Variants in TMPRSS6 observed in about 807,000 individuals in gnomAD.
TMPRSS6 encodes the protein transmembrane serine protease 6, also known as transmembrane protease serine 6.
A neutral mutation model predicts 101.5 loss-of-function variants in TMPRSS6; 67 were observed. The observed-to-expected ratio is 0.66, with a 90% confidence interval of 0.54 to 0.81. The LOEUF (loss-of-function observed/expected upper bound fraction) is 0.81. Among genes scored for constraint, TMPRSS6 ranks in the 30% least tolerant of loss-of-function variants. The pLI is 0.00. For synonymous variants in TMPRSS6, 453 were observed against 464.9 expected, an observed-to-expected ratio of 0.97 and a Z score of 0.33; for missense variants, 1,034 against 1,088.7, an observed-to-expected ratio of 0.95 and a Z score of 0.71.
intron 2 of TMPRSS6, among the ~76,000 whole-genome samples, chr22:37,099,120 G>A (rs1930075162): frequency 2.0e-5 from 3 of 152,376 alleles, no homozygotes; most frequent in Admixed American, 6.5e-5. Context: ...TGGTGCTGTT[G>A]AGGGGATGTG....
At chr22:37,095,626 G>GA (rs771894330) in intron 5 of TMPRSS6, 34 bp from the exon 6 acceptor site, 45 of 966,116 alleles carry the variant, frequency 4.7e-5, no homozygotes, top group Non-Finnish European at 5.5e-5. Flanking sequence ...AAATAAACAA[G>GA]AACAAAAAAA....
intron 4 of TMPRSS6, 107 bp from the exon 5 acceptor site, chr22:37,096,197 G>A: frequency 1.5e-6 from 2 of 1,295,838 alleles, no homozygotes; most frequent in South Asian, 1.2e-5. Context: ...AGCCATTGCT[G>A]TCCGTCTTCA....
In TMPRSS6 at chr22:37,074,605, C is replaced by T. The variant is rs2146061360; in HGVS notation, c.1441+5G>A. The T allele has an allele frequency of 6.2e-7, 1 of 1,612,950 alleles. No individual in the cohort carries two copies. Among genetic ancestry groups the T allele is most frequent in the East Asian group, 2.2e-5 (1 of 44,886 alleles). ...AGAGGAGGGATGCGCGGGCGGGTTA[C>T]TCACCGCAGTTTCTCTCATCCAGGC... On this transcript the variant is annotated splice_donor_5th_base_variant and intron_variant, in intron 12 of 17. Coordinates refer to ENST00000676104, the MANE Select transcript of TMPRSS6 (RefSeq NM_001374504.1).
At chr22:37,085,117 G>A (rs1005156221) in intron 8 of TMPRSS6, among the ~76,000 whole-genome samples, 1 of 152,168 alleles carries the variant, frequency 6.6e-6, no homozygotes, top group African/African-American at 2.4e-5. Context: ...GATATTTGCG[G>A]GACAGCACTC....
chr22:37,065,907 C>T lies in TMPRSS6; in HGVS notation c.*173G>A, dbSNP rs1356646397. 5 of 829,244 alleles carry T rather than the reference C, an allele frequency of 6.0e-6. No homozygotes were observed. Among genetic ancestry groups the T allele is most frequent in the Non-Finnish European group, 9.4e-6 (5 of 531,960 alleles). The allele number at this position is 829,244 out of a possible 1,614,324, so 51.4% of individuals were successfully genotyped here. On this transcript the variant is annotated 3_prime_UTR_variant, in exon 18 of 18. Transcript: ENST00000676104. ...CCCCCAGCTGCTGGCACTTCTCCAT[C>T]CTCCTGCCATCACTGGAGCAGACAT...
chr22:37,108,792 G>C (rs1451787595), intron 1 of TMPRSS6, among the ~76,000 whole-genome samples: 1 of 152,130 alleles, frequency 6.6e-6, no homozygotes, highest in African/African-American at 2.4e-5. Flanking sequence ...CTCAGCCAGG[G>C]CAGAGCAGAG....
Position 37,070,496 on chromosome 22 carries a change from A to T in TMPRSS6, c.1829T>A (p.Phe610Tyr). ...DRWVITAAHCFQEDSMASTVL... is the reference protein window; with the variant it reads ...DRWVITAAHCYQEDSMASTVL... ...CCCTCCCGCTCACCTGTCCTCCTGG[A>T]AGCAGTGGGCAGCTGTTATCACCCA... The change falls in exon 15 of 18, where the codon TTC (phenylalanine) becomes TAC (tyrosine). Residue 610 changes from phenylalanine to tyrosine, a missense_variant. Transcript: ENST00000676104. 1 of 1,613,466 alleles carries T rather than the reference A, an allele frequency of 6.2e-7. No homozygotes were observed. Among genetic ancestry groups the T allele is most frequent in the African/African-American group, 1.3e-5 (1 of 75,026 alleles).
At chr22:37,090,911 T>C (rs906497917) in intron 6 of TMPRSS6, among the ~76,000 whole-genome samples, 1 of 152,182 alleles carries the variant, frequency 6.6e-6, no homozygotes, top group Non-Finnish European at 1.5e-5. Context: ...CTTTTCATCC[T>C]GCAGCTGGCC....
At chr22:37,083,954 A>T in intron 10 of TMPRSS6, 1 of 534,464 alleles carries the variant, frequency 1.9e-6, no homozygotes, top group Non-Finnish European at 3.3e-6. Flanking sequence ...TTGGCTCTGG[A>T]AACATTTTAT....
At chr22:37,068,517 C>G in intron 16 of TMPRSS6, 1 of 751,620 alleles carries the variant, frequency 1.3e-6, no homozygotes, top group Non-Finnish European at 2.5e-6. Flanking sequence ...GGGGAGAGAC[C>G]CTGTTTCTGA....
chr22:37,079,328 C>T (rs1404154219), intron 10 of TMPRSS6, among the ~76,000 whole-genome samples: 2 of 152,230 alleles, frequency 1.3e-5, no homozygotes, highest in Admixed American at 1.3e-4. Context: ...TTCCTCACCT[C>T]TCTGGATATG....
chr22:37,107,269 G>T (rs935613067), intron 1 of TMPRSS6, among the ~76,000 whole-genome samples: 1 of 152,132 alleles, frequency 6.6e-6, no homozygotes, highest in Non-Finnish European at 1.5e-5. Context: ...CTCTGTGGTG[G>T]CGACAGGGTG....
At position 37,095,936 on chromosome 22, in the gene TMPRSS6, C is replaced by T. The variant is rs1929718759; in HGVS notation, c.559G>A (p.Glu187Lys). The T allele has an allele frequency of 1.9e-6, 3 of 1,614,056 alleles. No individual in the cohort carries two copies. The highest frequency in any genetic ancestry group is 1.3e-5 in the African/African-American group (1 of 74,944). Residue 187 changes from glutamate to lysine, a missense_variant, in exon 5 of 18, where the codon GAA becomes AAA. Physicochemically the swap from Glu to Lys is moderately conservative, Grantham distance 56. Coordinates refer to ENST00000676104, the MANE Select transcript of TMPRSS6 (RefSeq NM_001374504.1). Reference sequence around the variant, plus strand: ...ATCACTAGGCCCTCGGGGTCCACTTCGTACTCGGCCCTGTAGGGGACGGCA... The same window carrying T: ...ATCACTAGGCCCTCGGGGTCCACTTTGTACTCGGCCCTGTAGGGGACGGCA... ...SAAVPYRAEY[E>K]VDPEGLVILE...
intron 17 of TMPRSS6, 117 bp downstream of exon 17, chr22:37,066,709 A>G: frequency 1.4e-6 from 2 of 1,419,556 alleles, no homozygotes; most frequent in South Asian, 1.2e-5. Context: ...GGCCATCACC[A>G]CCTTGCTGGG....
Position 37,073,615 on chromosome 22 carries a change from T to C in TMPRSS6, c.1472A>G (p.Asp491Gly). ...CTTGGGCAGTGAGATGCATGTGCTG[T>C]CCTCTTTGCACTGGAATGTGGCTCT... ...VCRATFQCKE[D>G]STCISLPKVC... The change falls in exon 13 of 18, where the codon GAC (aspartate) becomes GGC (glycine). Residue 491 changes from aspartate (D) to glycine (G), a missense_variant. By Grantham distance (94) the Asp-to-Gly change is moderately conservative. Transcript: ENST00000676104. 1 of 1,614,066 alleles carries C rather than the reference T, an allele frequency of 6.2e-7. No homozygotes were observed. The highest frequency in any genetic ancestry group is 1.6e-4 in the Middle Eastern group (1 of 6,062).
intron 1 of TMPRSS6, among the ~76,000 whole-genome samples, chr22:37,104,827 G>A (rs931054061): frequency 4.6e-5 from 7 of 152,114 alleles, no homozygotes; most frequent in African/African-American, 1.7e-4. Flanking sequence ...CGGCTGTGGT[G>A]GTGGGCACCT....
At chr22:37,070,064 G>A (rs1190071966) in intron 15 of TMPRSS6, among the ~76,000 whole-genome samples, 1 of 152,146 alleles carries the variant, frequency 6.6e-6, no homozygotes, top group Non-Finnish European at 1.5e-5. Flanking sequence ...GAGGCCTGAT[G>A]AGATGTCCCC....
chr22:37,095,081 C>A (rs368933761), intron 6 of TMPRSS6, among the ~76,000 whole-genome samples: 4 of 152,146 alleles, frequency 2.6e-5, no homozygotes, highest in African/African-American at 9.7e-5. Context: ...ATGAGCCTGA[C>A]TGGGAAGGAA....
chr22:37,083,509 CCAGA>C (rs947051748), intron 10 of TMPRSS6, among the ~76,000 whole-genome samples: 51 of 152,346 alleles, frequency 3.3e-4, no homozygotes, highest in African/African-American at 1.1e-3. Context: ...TCTTTTCTTC[CCAGA>C]CAAATGAAAA....
Sources: allele counts gnomAD v4.1 joint callset (sites outside exome capture counted in the v4.1 genomes callset), GRCh38; gene constraint gnomAD v4.1.1; transcripts MANE v1.5; gene names NCBI Gene and HGNC (gene_info 2026-07-23, HGNC 2026-07-21).